Variants in SOAT1 observed in about 807,000 individuals in gnomAD.
SOAT1 encodes the protein acyl-coenzyme A:cholesterol acyltransferase 1.
SOAT1 carries 55 observed loss-of-function variants against 69.5 expected under a neutral mutation model. That is an observed-to-expected ratio of 0.79 (90% CI 0.64 to 0.99). SOAT1 has a LOEUF of 0.99. SOAT1 is among the 50% of genes least tolerant of loss of function. The probability of loss-of-function intolerance (pLI) is 0.00; values close to 1 mark genes in which losing one functional copy is unlikely to be tolerated. For synonymous variants in SOAT1, 231 were observed against 224.7 expected (o/e 1.03, Z -0.25); for missense variants, 580 against 669.3 (o/e 0.87, Z 1.47).
At chr1:179,296,533 C>T (rs1571396132) in intron 1 of SOAT1, among the ~76,000 whole-genome samples, 2 of 152,170 alleles carry the variant, frequency 1.3e-5, no homozygotes, top group South Asian at 2.1e-4. Context: ...TTATACTAAC[C>T]ATACAGATGT....
Position 179,355,556 on chromosome 1 carries a change from T to G in SOAT1, c.*1915T>G, listed in dbSNP as rs911490937. 1.3e-5 allele frequency: 2 copies of G among 154,116 alleles called. No individual in the cohort carries two copies. Among genetic ancestry groups the G allele is most frequent in the African/African-American group, 4.8e-5 (2 of 41,492 alleles). The allele number at this position is 154,116 out of a possible 1,614,324, so 9.5% of individuals were successfully genotyped here. On this transcript the variant is annotated 3_prime_UTR_variant, in exon 16 of 16. Coordinates refer to ENST00000367619, the MANE Select transcript of SOAT1 (RefSeq NM_003101.6). ...TGCTTCCTGTTTGTTTGTTTGTTTG[T>G]TTTTGAGACAGAGTCTTGCTCTGTC...
At chr1:179,305,764 C>A (rs2124939763) in intron 2 of SOAT1, among the ~76,000 whole-genome samples, 1 of 152,298 alleles carries the variant, frequency 6.6e-6, no homozygotes, top group Admixed American at 6.5e-5. Context: ...TGATGATAGC[C>A]TTCCAGCCAA....
chr1:179,294,308 A>T (rs1003585323), intron 1 of SOAT1: 8 of 152,210 alleles, frequency 5.3e-5, no homozygotes, highest in African/African-American at 1.9e-4. Flanking sequence ...AAAATGTGTG[A>T]AGGGAAGGAT....
At chr1:179,332,006 T>G (rs1339199936) in intron 3 of SOAT1, among the ~76,000 whole-genome samples, 1 of 152,244 alleles carries the variant, frequency 6.6e-6, no homozygotes, top group East Asian at 1.9e-4. Flanking sequence ...GGACCTACTT[T>G]TTTTTTGAGA....
intron 3 of SOAT1, among the ~76,000 whole-genome samples, chr1:179,324,722 A>T (rs990825948): frequency 3.3e-5 from 5 of 152,210 alleles, no homozygotes; most frequent in Non-Finnish European, 7.3e-5. Context: ...AGGATTTGTT[A>T]TGCAACTTTT....
Position 179,302,813 on chromosome 1 carries a change from A to AT in SOAT1, c.118+23dup, listed in dbSNP as rs746528285. 73,851 of 1,181,474 alleles carry AT rather than the reference A, an allele frequency of 0.063. 163 individuals carry two copies. The highest frequency in any genetic ancestry group is 0.11 in the Middle Eastern group (513 of 4,698). The allele number at this position is 1,181,474 out of a possible 1,614,324, so 73.2% of individuals were successfully genotyped here. A position where few individuals can be genotyped will look rare whatever the true frequency, so the allele number is the denominator to read the frequency against. On this transcript the variant is annotated intron_variant, in intron 2 of 15. Transcript: ENST00000367619. ...AGACACCTAGTAATGGTGAGGCTTAATTTTTTTTTTTTAGGTGAATTAGTG... is the reference window on the plus strand; with the variant it reads ...AGACACCTAGTAATGGTGAGGCTTAATTTTTTTTTTTTTAGGTGAATTAGTG...
intron 9 of SOAT1, 22 bp downstream of exon 9, chr1:179,342,965 A>G (rs769000585): frequency 6.3e-7 from 1 of 1,595,108 alleles, no homozygotes; most frequent in East Asian, 2.2e-5. Flanking sequence ...GTGAACCAGA[A>G]ATGTGGTAAA....
intron 1 of SOAT1, among the ~76,000 whole-genome samples, chr1:179,300,885 C>T (rs560092933): frequency 1.3e-5 from 2 of 152,128 alleles, no homozygotes; most frequent in East Asian, 3.9e-4. Flanking sequence ...AACTTGAGGT[C>T]AGAAGTTCGA....
chr1:179,344,352 GGTTTTTTTTTTTTTT>G lies in SOAT1; in HGVS notation c.988-594_988-580del, dbSNP rs1666449409. ...TATGAAGTAAGTTCTTTCATTAAGGGGTTTTTTTTTTTTTTTTTTTTTTTTTTTTTTTTTTTTTTT... is the reference window on the plus strand; with the variant it reads ...TATGAAGTAAGTTCTTTCATTAAGGGTTTTTTTTTTTTTTTTTTTTTTTTT... On this transcript the variant is annotated intron_variant, in intron 10 of 15. Coordinates refer to ENST00000367619, the MANE Select transcript of SOAT1 (RefSeq NM_003101.6). Among the ~76,000 whole-genome samples, 12 of 120,524 alleles carry G rather than the reference GGTTTTTTTTTTTTTT, an allele frequency of 1.0e-4. 1 individual carries two copies. Among genetic ancestry groups the G allele is most frequent in the East Asian group, 2.5e-4 (1 of 4,034 alleles). The allele number at this position is 120,524 out of a possible 152,430, so 79.1% of individuals were successfully genotyped here. A position where few individuals can be genotyped will look rare whatever the true frequency, so the allele number is the denominator to read the frequency against.
chr1:179,323,051 T>TTTC (rs1665662029), intron 2 of SOAT1, among the ~76,000 whole-genome samples: 1 of 150,512 alleles, frequency 6.6e-6, no homozygotes, highest in Admixed American at 6.6e-5. Context: ...CTTTCTTTTT[T>TTTC]TTTTTTTTTT....
intron 3 of SOAT1, among the ~76,000 whole-genome samples, chr1:179,324,329 G>T (rs975898591): frequency 2.0e-5 from 3 of 152,176 alleles, no homozygotes; most frequent in Non-Finnish European, 2.9e-5. Context: ...CAGGGGCATA[G>T]TATTTGTACT....
At chr1:179,328,345 T>C (rs1204179568) in intron 3 of SOAT1, among the ~76,000 whole-genome samples, 1 of 152,252 alleles carries the variant, frequency 6.6e-6, no homozygotes, top group African/African-American at 2.4e-5. Flanking sequence ...GATATTAATA[T>C]ATCTCACAGA....
intron 4 of SOAT1, among the ~76,000 whole-genome samples, chr1:179,337,006 AAT>A (rs1491043638): frequency 6.6e-6 from 1 of 152,048 alleles, no homozygotes; most frequent in East Asian, 1.9e-4. Context: ...AAAAAAAAAA[AAT>A]CATATCATTA....
At chr1:179,324,872 G>T (rs1294103694) in intron 3 of SOAT1, among the ~76,000 whole-genome samples, 1 of 152,006 alleles carries the variant, frequency 6.6e-6, no homozygotes, top group East Asian at 1.9e-4. Context: ...GCACGATCTC[G>T]GCTCACTGCA....
At chr1:179,336,947 A>G (rs552832189) in intron 4 of SOAT1, among the ~76,000 whole-genome samples, 1 of 151,960 alleles carries the variant, frequency 6.6e-6, no homozygotes, top group South Asian at 2.1e-4. Flanking sequence ...GTGAGCTGAG[A>G]TCACGCCACT....
At position 179,316,090 on chromosome 1, in the gene SOAT1, TATTGC is replaced by T. The variant is rs1323277682; in HGVS notation, c.119-7343_119-7339del. On this transcript the variant is annotated intron_variant, in intron 2 of 15. Transcript: ENST00000367619. ...TACAACATCACTTTTTGTCCGGATT[TATTGC>T]ATTTCTCTGTTATGTGGTCCTTTCC... Among the ~76,000 whole-genome samples, 19 of 152,320 alleles carry T rather than the reference TATTGC, an allele frequency of 1.2e-4. No individual in the cohort carries two copies. The East Asian group carries it at 3.7e-3, about 29-fold the overall frequency.
chr1:179,342,028 GCTAT>G, intron 7 of SOAT1, 82 bp from the exon 8 acceptor site: 1 of 1,528,488 alleles, frequency 6.5e-7, no homozygotes, highest in Non-Finnish European at 8.8e-7. Flanking sequence ...GACTTTACTG[GCTAT>G]CTATAATGCA....
intron 3 of SOAT1, among the ~76,000 whole-genome samples, chr1:179,325,296 C>A (rs1665748580): frequency 6.6e-6 from 1 of 151,500 alleles, no homozygotes; most frequent in African/African-American, 2.4e-5. Flanking sequence ...AGTACAGGTG[C>A]CCACCACCAT....
At chr1:179,346,002 T>C (rs779257621) in intron 11 of SOAT1, among the ~76,000 whole-genome samples, 2 of 152,190 alleles carry the variant, frequency 1.3e-5, no homozygotes, top group Non-Finnish European at 2.9e-5. Context: ...AGAGATGTAT[T>C]ATCTTTACAG....
Sources: gnomAD v4.1 joint callset for allele counts (sites outside exome capture counted in the v4.1 genomes callset) on GRCh38, gnomAD v4.1.1 for gene constraint, MANE v1.5 for transcripts, NCBI Gene and HGNC (gene_info 2026-07-23, HGNC 2026-07-21) for gene names.